CSMD2: variants seen among roughly 807,000 people sequenced by gnomAD.
CSMD2 encodes the protein CUB and sushi domain-containing protein 2.
In CSMD2, 130 loss-of-function variants were observed where a neutral mutation model predicts 398.5. The ratio of observed to expected loss-of-function variants is 0.33; its 90% CI spans 0.28 to 0.38. CSMD2 has a LOEUF of 0.38. Among genes scored for constraint, CSMD2 ranks in the 10% least tolerant of loss-of-function variants. The probability of loss-of-function intolerance (pLI) is 1.00; values close to 1 mark genes in which losing one functional copy is unlikely to be tolerated. For missense variants in CSMD2, 3,829 were observed against 4,764.9 expected, an observed-to-expected ratio of 0.80 and a Z score of 5.78; for synonymous variants, 1,828 against 1,908.5, an observed-to-expected ratio of 0.96 and a Z score of 1.10.
intron 1 of CSMD2, among the ~76,000 whole-genome samples, chr1:34,089,641 T>C (rs1658326008): frequency 6.6e-6 from 1 of 152,120 alleles, no homozygotes; most frequent in Non-Finnish European, 1.5e-5. Flanking sequence ...TTCCCTTGTC[T>C]TCCCAATTCC....
rs577042182 is a variant in CSMD2 at position 33,824,591 on chromosome 1, C to T, written c.1111+1106G>A. 3.7e-4 allele frequency among the ~76,000 whole-genome samples: 57 copies of T among 152,182 alleles called. 1 individual carries two copies. In the South Asian group the frequency reaches 8.7e-3, roughly 23 times the overall value. The stretch of plus-strand genomic sequence containing the variant: ...CATCGGCACAGAGCTCGAAAACCAC[C>T]GGTGCCACTCTATGCCCTTCTCTCC... On this transcript the variant is annotated intron_variant, in intron 7 of 70. Transcript: ENST00000373381.
chr1:33,530,317 C>T (rs1402226152), intron 64 of CSMD2, among the ~76,000 whole-genome samples: 1 of 152,104 alleles, frequency 6.6e-6, no homozygotes, highest in Non-Finnish European at 1.5e-5. Context: ...AGAAGACATA[C>T]AAATGGCCAA....
chr1:34,034,029 CA>C (rs1372957796), intron 2 of CSMD2, among the ~76,000 whole-genome samples: 1 of 152,102 alleles, frequency 6.6e-6, no homozygotes, highest in Admixed American at 6.5e-5. Flanking sequence ...ACACATCCAG[CA>C]AAAGATCCCT....
At chr1:33,626,204 C>T (rs1381842848) in intron 33 of CSMD2, among the ~76,000 whole-genome samples, 2 of 152,184 alleles carry the variant, frequency 1.3e-5, no homozygotes. Flanking sequence ...GCCATCTGGA[C>T]CATGCCAGAC....
intron 3 of CSMD2, among the ~76,000 whole-genome samples, chr1:33,993,097 T>C (rs560799776): frequency 2.0e-5 from 3 of 152,302 alleles, no homozygotes; most frequent in East Asian, 1.9e-4. Context: ...TCTCTATATA[T>C]GTATATGTCT....
intron 12 of CSMD2, among the ~76,000 whole-genome samples, chr1:33,777,096 G>C (rs1213673025): frequency 6.6e-6 from 1 of 152,150 alleles, no homozygotes; most frequent in African/African-American, 2.4e-5. Context: ...GTTTACACGT[G>C]GGTGGAATGG....
Position 33,825,594 on chromosome 1 carries a change from AG to A in CSMD2, c.1111+102del, listed in dbSNP as rs1338743152. The A allele has an allele frequency of 1.3e-5, 13 of 1,032,092 alleles. No homozygotes were observed. The Admixed American group carries it at 2.6e-4, about 21-fold the overall frequency. 63.9% of individuals were successfully genotyped at this position (1,032,092 alleles called of 1,614,324 possible). A position where few individuals can be genotyped will look rare whatever the true frequency, so the allele number is the denominator to read the frequency against. On this transcript the variant is annotated intron_variant, in intron 7 of 70. Coordinates refer to ENST00000373381, the MANE Select transcript of CSMD2 (RefSeq NM_001281956.2). ...CCCAGGATGGAGGAAGCAGGGTTGA[AG>A]GAAAGTCATTCCAGCATCATCTGGC...
chr1:33,664,018 A>T (rs1233144684), intron 25 of CSMD2, among the ~76,000 whole-genome samples: 1 of 152,218 alleles, frequency 6.6e-6, no homozygotes, highest in Non-Finnish European at 1.5e-5. Flanking sequence ...GAATTTCACC[A>T]GTTTCTCCAC....
chr1:33,609,434 G>A (rs1037534295), intron 41 of CSMD2, among the ~76,000 whole-genome samples: 7 of 152,060 alleles, frequency 4.6e-5, no homozygotes, highest in South Asian at 2.1e-4. Context: ...TATAGAAAAC[G>A]TGGTCAAAAA....
chr1:34,006,475 G>A lies in CSMD2; in HGVS notation c.517+26119C>T, dbSNP rs189564032. On this transcript the variant is annotated intron_variant, in intron 3 of 70. Transcript: ENST00000373381. ...GTTCACCTCCACACTGTTTCCAGAG[G>A]AACTTCTCTAGAGTATAAATAACAG... 4.6e-3 allele frequency among the ~76,000 whole-genome samples: 693 copies of A among 152,184 alleles called. 3 individuals are homozygous for A. Among genetic ancestry groups the A allele is most frequent in the Middle Eastern group, 0.017 (5 of 294 alleles).
At position 33,946,126 on chromosome 1, in the gene CSMD2, T is replaced by G. The variant is rs887533366; in HGVS notation, c.518-10172A>C. Among the ~76,000 whole-genome samples the G allele has an allele frequency of 8.5e-5, 13 of 152,234 alleles. No homozygotes were observed. The South Asian group carries it at 1.2e-3, about 15-fold the overall frequency. ...AGAAACCAGTGCTCACAAGTTTATCTGAGAGTTTCTGCAGGAGAAACCTGC... is the reference window on the plus strand; with the variant it reads ...AGAAACCAGTGCTCACAAGTTTATCGGAGAGTTTCTGCAGGAGAAACCTGC... On this transcript the variant is annotated intron_variant, in intron 3 of 70. Coordinates refer to ENST00000373381, the MANE Select transcript of CSMD2 (RefSeq NM_001281956.2).
At chr1:33,812,935 G>T (rs1657023781) in intron 9 of CSMD2, 1 of 152,094 alleles carries the variant, frequency 6.6e-6, no homozygotes, top group African/African-American at 2.4e-5. Flanking sequence ...GTACACTCGA[G>T]ACTGGCAACA....
At chr1:33,618,786 G>A (rs557375525) in intron 37 of CSMD2, among the ~76,000 whole-genome samples, 1 of 152,076 alleles carries the variant, frequency 6.6e-6, no homozygotes, top group Non-Finnish European at 1.5e-5. Context: ...TGAGGACACA[G>A]GCCATAGGAG....
chr1:33,934,959 A>T (rs1199754330), intron 4 of CSMD2, among the ~76,000 whole-genome samples: 1 of 150,420 alleles, frequency 6.6e-6, no homozygotes, highest in Admixed American at 6.6e-5. Flanking sequence ...AGCCATGATT[A>T]CGTCACTGCA....
intron 1 of CSMD2, among the ~76,000 whole-genome samples, chr1:34,095,586 T>C (rs953733853): frequency 4.0e-4 from 61 of 152,192 alleles, no homozygotes; most frequent in African/African-American, 1.4e-3. Flanking sequence ...ATATCACCAC[T>C]GATCCCACAG....
At chr1:33,877,857 G>T (rs1640949611) in intron 5 of CSMD2, among the ~76,000 whole-genome samples, 1 of 152,152 alleles carries the variant, frequency 6.6e-6, no homozygotes, top group Non-Finnish European at 1.5e-5. Context: ...TTGCGCTGCT[G>T]AAGGGAGGGG....
In CSMD2 at chr1:33,726,633, G is replaced by T. The variant is rs1463266888; in HGVS notation, c.2421C>A (p.Gly807=). The T allele has an allele frequency of 6.2e-7, 1 of 1,613,536 alleles. No individual in the cohort carries two copies. Among genetic ancestry groups the T allele is most frequent in the Non-Finnish European group, 8.5e-7 (1 of 1,179,954 alleles). ...TSPSGTILSP[G]WPGFYKDALS... ...AGGCATCCTTGTAGAAGCCAGGCCA[G>T]CCCGGAGAGAGGATGGTGCCGCTGG... is the stretch of plus-strand genomic sequence containing the variant. Residue 807 remains glycine, a synonymous_variant, in exon 16 of 71, where the codon GGC becomes GGA. Transcript: ENST00000373381.
At chr1:33,686,011 G>A in intron 25 of CSMD2, among the ~76,000 whole-genome samples, 1 of 152,146 alleles carries the variant, frequency 6.6e-6, no homozygotes, top group East Asian at 1.9e-4. Context: ...ACATTAGACG[G>A]AACATGTTCC....
intron 3 of CSMD2, among the ~76,000 whole-genome samples, chr1:34,032,204 T>C (rs554581697): frequency 6.6e-6 from 1 of 152,274 alleles, no homozygotes; most frequent in African/African-American, 2.4e-5. Flanking sequence ...GTGTTTTCAG[T>C]TGCTTATTTT....
Sources: allele counts gnomAD v4.1 joint callset (sites outside exome capture counted in the v4.1 genomes callset), GRCh38; gene constraint gnomAD v4.1.1; transcripts MANE v1.5; gene names NCBI Gene and HGNC (gene_info 2026-07-23, HGNC 2026-07-21).